Variants in CENPM observed in about 807,000 individuals in gnomAD.
CENPM encodes interphase centromere complex protein 39.
Under a neutral mutation model 19.6 loss-of-function variants are expected in CENPM, and 14 were observed. That is an observed-to-expected ratio of 0.71 (90% CI 0.47 to 1.11). The LOEUF (loss-of-function observed/expected upper bound fraction) is 1.11. Among genes scored for constraint, CENPM ranks in the 50% most tolerant of loss-of-function variants. The pLI is 0.00. For synonymous variants in CENPM, 114 were observed against 101.5 expected (o/e 1.12, Z -0.74); for missense variants, 239 against 228.4 (o/e 1.05, Z -0.30).
chr22:41,944,839 G>T, intron 4 of CENPM: 1 of 1,028,364 alleles, frequency 9.7e-7, no homozygotes. Context: ...GCAACTCCAA[G>T]TAATGGCAGA....
chr22:41,932,160 G>A, the CENPM span, among the ~76,000 whole-genome samples: 1 of 152,230 alleles, frequency 6.6e-6, no homozygotes, highest in Non-Finnish European at 1.5e-5. The surrounding 1 kb of genome is among the most constrained non-coding windows in gnomAD (Gnocchi z 4.3). Context: ...GCAGGGCTTC[G>A]AGTCAGCTCT....
chr22:41,929,733 G>C, the CENPM span, among the ~76,000 whole-genome samples: 2 of 151,674 alleles, frequency 1.3e-5, no homozygotes, highest in African/African-American at 4.8e-5. Context: ...CAAAAGGCCT[G>C]CGGGATTCGT....
chr22:41,935,365 C>T (rs963046131), downstream of CENPM, among the ~76,000 whole-genome samples: 7 of 152,100 alleles, frequency 4.6e-5, no homozygotes, highest in Non-Finnish European at 8.8e-5. Context: ...GCATCCACAC[C>T]GCCTTCCTCC....
At chr22:41,941,134 A>T (rs148710226) in intron 5 of CENPM, among the ~76,000 whole-genome samples, 64 of 152,332 alleles carry the variant, frequency 4.2e-4, no homozygotes, top group African/African-American at 1.5e-3. Flanking sequence ...CCCTACCAGC[A>T]GACCTAGGCA....
At chr22:41,936,805 G>A (rs143188367), downstream of CENPM, among the ~76,000 whole-genome samples, 1 of 152,302 alleles carries the variant, frequency 6.6e-6, no homozygotes, top group African/African-American at 2.4e-5. Flanking sequence ...GCGTGCACCT[G>A]TAATCTCAGC....
At position 41,945,206 on chromosome 22, in the gene CENPM, AGGCGAGGAACGTACTTACCACCTGT is replaced by A. The variant is rs1389411060; in HGVS notation, c.304_310+18del. ...CCCTTGGCTGGGGGTGGGCAGTAAC[AGGCGAGGAACGTACTTACCACCTGT>A]GGCGAGGAAACACACCTTCCCCAAG... On this transcript the variant is annotated splice_donor_variant and splice_donor_5th_base_variant and coding_sequence_variant and intron_variant, in exon 4 of 6. Coordinates refer to ENST00000215980, the MANE Select transcript of CENPM (RefSeq NM_024053.5). LOFTEE classifies it high-confidence loss of function. 2 of 1,613,874 alleles carry A rather than the reference AGGCGAGGAACGTACTTACCACCTGT, an allele frequency of 1.2e-6. No individual in the cohort carries two copies. The highest frequency in any genetic ancestry group is 1.1e-5 in the South Asian group (1 of 91,070).
chr22:41,945,450 T>TA (rs1434098544), intron 3 of CENPM, 146 bp from the exon 4 acceptor site: 1 of 1,126,234 alleles, frequency 8.9e-7, no homozygotes, highest in Non-Finnish European at 1.2e-6. Flanking sequence ...TCCTTTAATT[T>TA]TTTTTTTTTT....
the CENPM span, among the ~76,000 whole-genome samples, chr22:41,929,935 C>CTTTTT: frequency 4.1e-5 from 4 of 97,656 alleles, no homozygotes; most frequent in Admixed American, 1.0e-4. Flanking sequence ...TTCCCCGTGG[C>CTTTTT]TTTTTTTTTT....
chr22:41,946,522 T>TCGAGC (rs2077805436), intron 1 of CENPM, 26 bp from the exon 2 acceptor site: 1 of 1,606,026 alleles, frequency 6.2e-7, no homozygotes, highest in African/African-American at 1.3e-5. Flanking sequence ...GAGCGGACAG[T>TCGAGC]CGAGCCCTAG....
At chr22:41,946,051 C>A (rs745816573) in intron 2 of CENPM, 46 bp from the exon 3 acceptor site, 1 of 1,503,576 alleles carries the variant, frequency 6.7e-7, no homozygotes, top group South Asian at 1.1e-5. Flanking sequence ...GTACCCCCCT[C>A]ATAGCGACCG....
At chr22:41,938,518 A>G (rs1009410074), downstream of CENPM, among the ~76,000 whole-genome samples, 20 of 151,636 alleles carry the variant, frequency 1.3e-4, no homozygotes, top group African/African-American at 4.6e-4. Flanking sequence ...GGCGCCCACC[A>G]CCACATCTGG....
intron 5 of CENPM, among the ~76,000 whole-genome samples, chr22:41,942,184 G>A (rs2077746699): frequency 6.6e-6 from 1 of 152,230 alleles, no homozygotes. Flanking sequence ...GGTTTCCAAA[G>A]GAATGGAGCA....
At chr22:41,946,907 C>A in intron 1 of CENPM, 113 bp downstream of exon 1, 1 of 1,108,372 alleles carries the variant, frequency 9.0e-7, no homozygotes. Context: ...TTCCCCGCCC[C>A]CGCCACGGTA....
chr22:41,946,903 G>T, intron 1 of CENPM, 117 bp downstream of exon 1: 1 of 1,041,362 alleles, frequency 9.6e-7, no homozygotes, highest in Non-Finnish European at 1.5e-6. Flanking sequence ...CCTATTCCCC[G>T]CCCCCGCCAC....
At chr22:41,941,415 T>G (rs1365249788) in intron 5 of CENPM, among the ~76,000 whole-genome samples, 1 of 152,202 alleles carries the variant, frequency 6.6e-6, no homozygotes, top group East Asian at 1.9e-4. Context: ...TCCTGCTTCC[T>G]GCCCAGGCCA....
downstream of CENPM, among the ~76,000 whole-genome samples, chr22:41,936,432 G>A (rs5996089): frequency 0.13 from 20,040 of 152,222 alleles, 1,894 homozygotes; most frequent in African/African-American, 0.27. Context: ...AGTCCTCAGC[G>A]GAGCCCAAGG....
intron 5 of CENPM, among the ~76,000 whole-genome samples, chr22:41,939,458 A>C (rs1249128356): frequency 6.6e-6 from 1 of 152,116 alleles, no homozygotes; most frequent in African/African-American, 2.4e-5. Context: ...AAGGCTTAAC[A>C]AGGCTGGCTA....
At chr22:41,945,379 C>T in intron 3 of CENPM, 75 bp from the exon 4 acceptor site, 1 of 1,594,750 alleles carries the variant, frequency 6.3e-7, no homozygotes, top group Non-Finnish European at 8.5e-7. Flanking sequence ...GAAGTCCTTG[C>T]TTCTCTGATC....
chr22:41,940,505 C>A (rs2077729904), intron 5 of CENPM, among the ~76,000 whole-genome samples: 1 of 152,160 alleles, frequency 6.6e-6, no homozygotes, highest in South Asian at 2.1e-4. Context: ...TGTGCTTCAG[C>A]CCCCTGAGTA....
Sources: allele counts gnomAD v4.1 joint callset (sites outside exome capture counted in the v4.1 genomes callset), GRCh38; gene constraint gnomAD v4.1.1; non-coding constraint Gnocchi (gnomAD v3.1); transcripts MANE v1.5; gene names NCBI Gene and HGNC (gene_info 2026-07-23, HGNC 2026-07-21).